Variants in CDK13 observed in about 807,000 individuals in gnomAD.
CDK13 encodes cyclin-dependent kinase 13.
A neutral mutation model predicts 137.6 loss-of-function variants in CDK13; 40 were observed. The observed-to-expected ratio is 0.29, with a 90% CI of 0.23 to 0.38. CDK13 has a LOEUF of 0.38. Among genes scored for constraint, CDK13 ranks in the 10% least tolerant of loss-of-function variants. The pLI, the probability that CDK13 is intolerant of heterozygous loss-of-function variation, is 1.00. For synonymous variants in CDK13, 869 were observed against 760.1 expected, an observed-to-expected ratio of 1.14 and a Z score of -2.36; for missense variants, 1,704 against 1,951.8, an observed-to-expected ratio of 0.87 and a Z score of 2.39.
intron 7 of CDK13, among the ~76,000 whole-genome samples, chr7:40,054,596 A>G (rs1785970483): frequency 1.3e-5 from 2 of 152,028 alleles, no homozygotes; most frequent in Non-Finnish European, 2.9e-5. Context: ...ACACCCAGCG[A>G]ATTTTTGTAA....
At chr7:40,082,450 C>T (rs1046614146) in intron 11 of CDK13, among the ~76,000 whole-genome samples, 4 of 131,482 alleles carry the variant, frequency 3.0e-5, no homozygotes, top group African/African-American at 1.1e-4. Flanking sequence ...GGCGCCACTG[C>T]ACTCCAGTCT....
intron 1 of CDK13, among the ~76,000 whole-genome samples, chr7:39,955,510 A>G (rs1316273084): frequency 6.6e-6 from 1 of 152,112 alleles, no homozygotes; most frequent in Non-Finnish European, 1.5e-5. Context: ...CTTTATTGAA[A>G]TTTAGTTGGC....
chr7:40,020,541 C>T (rs1393081251), intron 5 of CDK13, among the ~76,000 whole-genome samples: 2 of 152,158 alleles, frequency 1.3e-5, no homozygotes, highest in African/African-American at 4.8e-5. Flanking sequence ...CATGCTACTC[C>T]TAAAATGTTA....
chr7:39,955,284 T>C lies in CDK13; in HGVS notation c.1211+3432T>C, dbSNP rs1002233011. Among the ~76,000 whole-genome samples, 21 of 152,306 alleles carry C rather than the reference T, an allele frequency of 1.4e-4. No homozygotes were observed. In the South Asian group the frequency reaches 4.1e-3, roughly 30 times the overall value. ...TGATAGTTGGAAACATTCCCATTGA[T>C]GGATTGGGAAACGGGAGCTCTAAAA... On this transcript the variant is annotated intron_variant, in intron 1 of 13. Transcript: ENST00000181839.
chr7:40,045,254 A>G lies in CDK13; in HGVS notation c.2354-582A>G, dbSNP rs144047314. ...AGTTTGTGTGTGTGTGCTATGTGCTATTTTAGGTTTTGGTAGCAGGACTAA... is the reference window on the plus strand; with the variant it reads ...AGTTTGTGTGTGTGTGCTATGTGCTGTTTTAGGTTTTGGTAGCAGGACTAA... On this transcript the variant is annotated intron_variant, in intron 5 of 13. Coordinates refer to ENST00000181839, the MANE Select transcript of CDK13 (RefSeq NM_003718.5). Among the ~76,000 whole-genome samples the G allele has an allele frequency of 2.6e-3, 398 of 152,222 alleles. 3 individuals carry two copies. Among genetic ancestry groups the G allele is most frequent in the African/African-American group, 8.9e-3 (369 of 41,540 alleles).
At chr7:39,997,755 T>C (rs1784594856) in intron 3 of CDK13, 91 bp downstream of exon 3, 5 of 926,930 alleles carry the variant, frequency 5.4e-6, no homozygotes, top group Non-Finnish European at 8.2e-6. Flanking sequence ...AGGTTTAAAA[T>C]AAAAAATGTA....
At chr7:39,986,238 A>G (rs1371443637) in intron 1 of CDK13, 2 of 152,114 alleles carry the variant, frequency 1.3e-5, no homozygotes, top group Non-Finnish European at 2.9e-5. Flanking sequence ...TGAAAGTACT[A>G]TCATAATGTC....
intron 5 of CDK13, among the ~76,000 whole-genome samples, chr7:40,007,685 C>A (rs1784821080): frequency 6.6e-6 from 1 of 152,156 alleles, no homozygotes. Flanking sequence ...ACCTCGGCCT[C>A]CCAAAGTGCA....
intron 4 of CDK13, 48 bp from the exon 5 acceptor site, chr7:40,001,813 A>C: frequency 2.6e-6 from 3 of 1,162,878 alleles, no homozygotes; most frequent in Non-Finnish European, 3.8e-6. Context: ...GAAAAATGTC[A>C]TCTGCTTTTG....
Position 40,021,458 on chromosome 7 carries a change from C to T in CDK13, c.2353+19427C>T, listed in dbSNP as rs1001333146. 5.3e-4 allele frequency among the ~76,000 whole-genome samples: 80 copies of T among 149,718 alleles called. 2 individuals are homozygous for T. Among genetic ancestry groups the T allele is most frequent in the African/African-American group, 1.8e-3 (74 of 40,646 alleles). On this transcript the variant is annotated intron_variant, in intron 5 of 13. Coordinates refer to ENST00000181839, the MANE Select transcript of CDK13 (RefSeq NM_003718.5). ...TTGCGGTGAGCTGAGATCCTGCCAC[C>T]GCACTCCAGCCTGGGTGATAGAGAC...
intron 5 of CDK13, among the ~76,000 whole-genome samples, chr7:40,041,140 A>G (rs560013554): frequency 5.3e-5 from 8 of 152,348 alleles, no homozygotes; most frequent in African/African-American, 1.9e-4. Context: ...AGCCTGGCCA[A>G]CATTGTGAAA....
chr7:40,045,721 C>G, intron 5 of CDK13, 115 bp from the exon 6 acceptor site: 1 of 639,012 alleles, frequency 1.6e-6, no homozygotes. Flanking sequence ...AACAAAGTAA[C>G]ACTTCTTTTC....
In CDK13 at chr7:39,950,328, A is replaced by T. The variant is rs1040882206; in HGVS notation, c.-314A>T. On this transcript the variant is annotated 5_prime_UTR_variant, in exon 1 of 14. Coordinates refer to ENST00000181839, the MANE Select transcript of CDK13 (RefSeq NM_003718.5). ...CCCCACCCCCGGGGGCACTTGGAGG[A>T]CTCGGGACTCCCCCGCAGGTCAGCG... 1 of 1,136,988 alleles carries T rather than the reference A, an allele frequency of 8.8e-7. No individual in the cohort carries two copies. Among genetic ancestry groups the T allele is most frequent in the East Asian group, 4.4e-5 (1 of 22,872 alleles). 70.4% of individuals were successfully genotyped at this position (1,136,988 alleles called of 1,614,324 possible). A position where few individuals can be genotyped will look rare whatever the true frequency, so the allele number is the denominator to read the frequency against.
Position 39,951,478 on chromosome 7 carries a change from C to T in CDK13, c.837C>T (p.His279=). The T allele has an allele frequency of 1.3e-6, 2 of 1,538,174 alleles. No homozygotes were observed. The highest frequency in any genetic ancestry group is 1.7e-6 in the Non-Finnish European group (2 of 1,143,262). The change falls in exon 1 of 14, where the codon CAC becomes CAT. Residue 279 remains histidine, a synonymous_variant. Coordinates refer to ENST00000181839, the MANE Select transcript of CDK13 (RefSeq NM_003718.5). ...SSRKDRDSKA[H]RSRTKSSKEP... ...GCAAGGACCGGGACTCGAAGGCCCACCGCAGCCGGACTAAGTCGTCCAAGG... is the reference window on the plus strand; with the variant it reads ...GCAAGGACCGGGACTCGAAGGCCCATCGCAGCCGGACTAAGTCGTCCAAGG...
chr7:40,036,309 T>G (rs77961773), intron 5 of CDK13, among the ~76,000 whole-genome samples: 5,140 of 152,282 alleles, frequency 0.034, 122 homozygotes, highest in Non-Finnish European at 0.053. Flanking sequence ...ATTTACATTT[T>G]TAAGAGACTC....
chr7:39,978,265 T>C (rs1400719277), intron 1 of CDK13, among the ~76,000 whole-genome samples: 1 of 152,084 alleles, frequency 6.6e-6, no homozygotes, highest in African/African-American at 2.4e-5. Context: ...GTAGTAGAAA[T>C]AGCTAGGAAG....
intron 7 of CDK13, among the ~76,000 whole-genome samples, chr7:40,052,777 G>A (rs1404123329): frequency 6.6e-6 from 1 of 152,062 alleles, no homozygotes; most frequent in Non-Finnish European, 1.5e-5. Context: ...TTATTCTTTT[G>A]TGTTTTATGT....
intron 9 of CDK13, 50 bp downstream of exon 9, chr7:40,063,150 C>A: frequency 2.2e-6 from 3 of 1,371,976 alleles, no homozygotes; most frequent in Non-Finnish European, 3.1e-6. Context: ...TGTCATACTC[C>A]ACAGGAAATT....
chr7:40,087,144 C>T (rs1786805699), intron 11 of CDK13, among the ~76,000 whole-genome samples: 1 of 151,926 alleles, frequency 6.6e-6, no homozygotes, highest in Non-Finnish European at 1.5e-5. Context: ...CTGCAAATGG[C>T]ATGTTTTTCT....
Sources: gnomAD v4.1 joint callset for allele counts (sites outside exome capture counted in the v4.1 genomes callset) on GRCh38, gnomAD v4.1.1 for gene constraint, MANE v1.5 for transcripts, NCBI Gene and HGNC (gene_info 2026-07-23, HGNC 2026-07-21) for gene names.